SYNJ1: variants seen among roughly 807,000 people sequenced by gnomAD.
SYNJ1 encodes synaptojanin 1, also known as polyphosphatidylinositol phosphatase SYNJ1.
A neutral mutation model predicts 168.2 loss-of-function variants in SYNJ1; 78 were observed. The ratio of observed to expected loss-of-function variants is 0.46; its 90% confidence interval spans 0.39 to 0.56. SYNJ1 has a LOEUF of 0.56. SYNJ1 is among the 20% of genes least tolerant of loss of function. The pLI is 0.00. For missense variants in SYNJ1, 1,303 were observed against 1,597.6 expected, an observed-to-expected ratio of 0.82 and a Z score of 3.14; for synonymous variants, 539 against 548.6, an observed-to-expected ratio of 0.98 and a Z score of 0.24.
At chr21:32,634,933 C>G (rs368112798) in intron 31 of SYNJ1, 49 bp from the exon 32 acceptor site, 9 of 1,601,228 alleles carry the variant, frequency 5.6e-6, no homozygotes, top group Non-Finnish European at 5.1e-6. Flanking sequence ...GAGGACAATC[C>G]GAGATCAACC....
rs368179181 is a variant in SYNJ1 at position 32,673,305 on chromosome 21, A to G, written c.1726+35T>C. 64 of 1,574,382 alleles carry G rather than the reference A, an allele frequency of 4.1e-5. No individual in the cohort carries two copies. The African/African-American group carries it at 7.9e-4, about 20-fold the overall frequency. ...TCTAGATCAATACAACACAGTCAGG[A>G]TTTATTAACTAAATCCATATTATAA... On this transcript the variant is annotated intron_variant, in intron 14 of 32. Transcript: ENST00000674351.
intron 2 of SYNJ1, among the ~76,000 whole-genome samples, chr21:32,713,632 A>G (rs975622407): frequency 6.8e-6 from 1 of 147,874 alleles, no homozygotes; most frequent in Admixed American, 6.8e-5. Context: ...ATGATTTCCC[A>G]TATGTCAACA....
At chr21:32,700,868 C>A (rs2042375330) in intron 3 of SYNJ1, among the ~76,000 whole-genome samples, 1 of 152,016 alleles carries the variant, frequency 6.6e-6, no homozygotes, top group African/African-American at 2.4e-5. Flanking sequence ...GGACAAAAGT[C>A]TCTGGTAACA....
rs770809240 is a variant in SYNJ1 at position 32,685,915 on chromosome 21, ACT to A, written c.949_950del (p.His318PhefsTer5). The A allele has an allele frequency of 6.2e-7, 1 of 1,601,678 alleles. No homozygotes were observed. The highest frequency in any genetic ancestry group is 2.3e-5 in the East Asian group (1 of 44,170). ...CAGCATGTTCAGAAGCTTTCAAATG[ACT>A]CTGAAAGTAAAAAGGCAAATATTCA... Reference protein sequence around the residue: ...GEHMLSKAFQSHLKASEHAAD... With the variant: ...GEHMLSKAFQXHLKASEHAAD... On this transcript the variant is annotated frameshift_variant and splice_region_variant, in exon 9 of 33. Coordinates refer to ENST00000674351, the MANE Select transcript of SYNJ1 (RefSeq NM_203446.3). LOFTEE classifies it high-confidence loss of function.
At chr21:32,727,862 G>A in intron 1 of SYNJ1, 84 bp downstream of exon 1, 1 of 1,516,846 alleles carries the variant, frequency 6.6e-7, no homozygotes, top group Non-Finnish European at 8.8e-7. Flanking sequence ...TGCGGAGGCA[G>A]AGACTGGTCT....
In SYNJ1 at chr21:32,681,558, C is replaced by A; in HGVS notation, c.1291G>T (p.Val431Leu). 1 of 1,613,840 alleles carries A rather than the reference C, an allele frequency of 6.2e-7. No individual in the cohort carries two copies. ...FQEVFRSMWS[V>L]NGDSISKIYA... ...ATCTTACTGATTGAATCACCATTCA[C>A]GGACCACATTGACCGAAAAACTTCT... Residue 431 changes from valine (V) to leucine (L), a missense_variant, in exon 11 of 33, where the codon GTG becomes TTG. This residue lies in a region of SYNJ1 where 920 missense variants were observed against 1,208.8 expected (regional missense o/e 0.76). Transcript: ENST00000674351.
At chr21:32,710,885 G>A (rs1402160352) in intron 2 of SYNJ1, among the ~76,000 whole-genome samples, 1 of 151,986 alleles carries the variant, frequency 6.6e-6, no homozygotes, top group Non-Finnish European at 1.5e-5. Context: ...TGCCATCAAT[G>A]TTTTCCTTAT....
At position 32,646,583 on chromosome 21, in the gene SYNJ1, AC is replaced by A; in HGVS notation, c.3056del (p.Ser1019MetfsTer135). 1.2e-6 allele frequency: 2 copies of A among 1,614,172 alleles called. No individual in the cohort carries two copies. The highest frequency in any genetic ancestry group is 1.7e-6 in the Non-Finnish European group (2 of 1,179,996). On this transcript the variant is annotated frameshift_variant, in exon 24 of 33. Coordinates refer to ENST00000674351, the MANE Select transcript of SYNJ1 (RefSeq NM_203446.3). LOFTEE classifies it high-confidence loss of function. ...GAGGAAGAAGTTCCTCCACTTCAGC[AC>A]TATAGTCATCAACATCACCTAAGGA... ...FDMEGDVDDY[S>X]AEVEELLPQH...
At chr21:32,642,915 C>A (rs919346076) in intron 27 of SYNJ1, among the ~76,000 whole-genome samples, 1 of 152,044 alleles carries the variant, frequency 6.6e-6, no homozygotes, top group South Asian at 2.1e-4. Flanking sequence ...TAACAAATGG[C>A]CTCTAGTCTT....
chr21:32,670,072 AAAC>A (rs1283387823), intron 15 of SYNJ1, among the ~76,000 whole-genome samples: 2 of 152,234 alleles, frequency 1.3e-5, no homozygotes. Context: ...ACAAAGATAT[AAAC>A]AACATTAGCA....
intron 4 of SYNJ1, among the ~76,000 whole-genome samples, chr21:32,696,436 T>C (rs2042216469): frequency 6.6e-6 from 1 of 152,160 alleles, no homozygotes; most frequent in Non-Finnish European, 1.5e-5. Context: ...CTTTGCTGGG[T>C]TGGCCTTCTC....
At chr21:32,702,372 C>T (rs1426021535) in intron 2 of SYNJ1, among the ~76,000 whole-genome samples, 1 of 152,150 alleles carries the variant, frequency 6.6e-6, no homozygotes, top group African/African-American at 2.4e-5. Flanking sequence ...CTTGACTACA[C>T]AAATGTAGGG....
chr21:32,708,046 T>C (rs759784828), intron 2 of SYNJ1, among the ~76,000 whole-genome samples: 62 of 152,190 alleles, frequency 4.1e-4, no homozygotes, highest in Non-Finnish European at 5.9e-4. Flanking sequence ...TACTTTATCA[T>C]TGAAAGTATT....
At chr21:32,696,084 C>T (rs190537925) in intron 4 of SYNJ1, among the ~76,000 whole-genome samples, 1 of 152,178 alleles carries the variant, frequency 6.6e-6, no homozygotes, top group African/African-American at 2.4e-5. Flanking sequence ...GAACTCCTGA[C>T]CTTGTGATCC....
chr21:32,684,176 A>G, intron 9 of SYNJ1, 57 bp from the exon 10 acceptor site: 2 of 1,515,858 alleles, frequency 1.3e-6, no homozygotes, highest in Non-Finnish European at 1.8e-6. Flanking sequence ...TAAAACAAAC[A>G]GTGAATAATT....
In SYNJ1 at chr21:32,631,434, G is replaced by T. The variant is rs772878624; in HGVS notation, c.*371C>A. The T allele has an allele frequency of 6.2e-7, 1 of 1,614,206 alleles. No homozygotes were observed. The highest frequency in any genetic ancestry group is 8.5e-7 in the Non-Finnish European group (1 of 1,180,028). ...AACGGGCTCTTCTTTGGAGAACCAT[G>T]AAGTTGCCTCTGATTCTTCAGACTT... On this transcript the variant is annotated 3_prime_UTR_variant, in exon 33 of 33. Coordinates refer to ENST00000674351, the MANE Select transcript of SYNJ1 (RefSeq NM_203446.3).
At chr21:32,636,194 CA>C (rs1025910839) in intron 31 of SYNJ1, among the ~76,000 whole-genome samples, 1 of 152,138 alleles carries the variant, frequency 6.6e-6, no homozygotes, top group Non-Finnish European at 1.5e-5. Context: ...CTCACAGTAA[CA>C]GTATAGCAGT....
At position 32,631,807 on chromosome 21, in the gene SYNJ1, A is replaced by T; in HGVS notation, c.*4-6T>A. On this transcript the variant is annotated splice_region_variant and splice_polypyrimidine_tract_variant and intron_variant, in intron 32 of 32. Coordinates refer to ENST00000674351, the MANE Select transcript of SYNJ1 (RefSeq NM_203446.3). ...GAGATTCCATTTGTTTTTACCTGCA[A>T]AAGAAAGGGAGCACTGAAAAATCAG... 6.2e-7 allele frequency: 1 copy of T among 1,601,196 alleles called. No individual in the cohort carries two copies. Among genetic ancestry groups the T allele is most frequent in the Non-Finnish European group, 8.5e-7 (1 of 1,172,956 alleles).
chr21:32,694,315 C>T lies in SYNJ1; in HGVS notation c.706-4G>A. 1.3e-6 allele frequency: 2 copies of T among 1,536,208 alleles called. No individual in the cohort carries two copies. The highest frequency in any genetic ancestry group is 2.6e-5 in the South Asian group (2 of 78,408). ...CTGAGTCATCTAAGTACACAACCTA[C>T]AGAAAAAAAAATAATATGTAAACTA... On this transcript the variant is annotated splice_region_variant and splice_polypyrimidine_tract_variant and intron_variant, in intron 5 of 32. Coordinates refer to ENST00000674351, the MANE Select transcript of SYNJ1 (RefSeq NM_203446.3).
Sources: gnomAD v4.1 joint callset for allele counts (sites outside exome capture counted in the v4.1 genomes callset) on GRCh38, gnomAD v4.1.1 for gene constraint, gnomAD v4.1.1 regional missense constraint, MANE v1.5 for transcripts, NCBI Gene and HGNC (gene_info 2026-07-23, HGNC 2026-07-21) for gene names.